Variants in GSTA2 observed in about 807,000 individuals in gnomAD.
The protein encoded by GSTA2 is glutathione S-transferase alpha 2.
In GSTA2, 27 loss-of-function variants were observed where a neutral mutation model predicts 22.4. The ratio of observed to expected loss-of-function variants is 1.21; its 90% CI spans 0.89 to 1.67. The LOEUF (loss-of-function observed/expected upper bound fraction) is 1.67, where lower values mean the gene tolerates loss of function less well. Ranked by LOEUF, GSTA2 falls within the 40% of genes most tolerant of loss-of-function variation. The probability of loss-of-function intolerance (pLI) is 0.00; values close to 1 mark genes in which losing one functional copy is unlikely to be tolerated. For missense variants in GSTA2, 302 were observed against 260.2 expected (o/e 1.16, Z -1.11); for synonymous variants, 121 against 86.8 (o/e 1.39, Z -2.19).
At chr6:52,754,091 G>A (rs1260855653) in intron 4 of GSTA2, among the ~76,000 whole-genome samples, 1 of 152,106 alleles carries the variant, frequency 6.6e-6, no homozygotes, top group African/African-American at 2.4e-5. Context: ...TCCATTGCAT[G>A]GCTAAGGCGC....
At chr6:52,759,468 C>A (rs1581776555) in intron 1 of GSTA2, among the ~76,000 whole-genome samples, 1 of 147,554 alleles carries the variant, frequency 6.8e-6, no homozygotes, top group East Asian at 2.0e-4. Context: ...ACCCCCAGCT[C>A]TGTTATTAAA....
intron 6 of GSTA2, 107 bp downstream of exon 6, chr6:52,751,470 G>A (rs1762733894): frequency 6.3e-7 from 1 of 1,594,136 alleles, no homozygotes; most frequent in Non-Finnish European, 8.6e-7. Context: ...GGCACCAAAG[G>A]CCTGGAGAAG....
chr6:52,750,318 C>G lies in GSTA2; in HGVS notation c.*259G>C, dbSNP rs1053455161. The stretch of plus-strand genomic sequence containing the variant: ...AACAAACCACATAATTTATAGTTTC[C>G]ATTTTTACTGAATTTGTAATTCCAA... On this transcript the variant is annotated 3_prime_UTR_variant, in exon 7 of 7. Transcript: ENST00000493422. 2 of 308,502 alleles carry G rather than the reference C, an allele frequency of 6.5e-6. No homozygotes were observed. Among genetic ancestry groups the G allele is most frequent in the African/African-American group, 2.2e-5 (1 of 45,790 alleles). The allele number at this position is 308,502 out of a possible 1,614,324, so 19.1% of individuals were successfully genotyped here.
chr6:52,754,764 C>A (rs1561894799), intron 4 of GSTA2, among the ~76,000 whole-genome samples, 179 bp downstream of exon 4: 1 of 152,146 alleles, frequency 6.6e-6, no homozygotes, highest in Non-Finnish European at 1.5e-5. Context: ...CGCCTGAACC[C>A]TCCCCATGTT....
chr6:52,751,724 A>G lies in GSTA2; in HGVS notation c.415-16T>C, dbSNP rs1259196067. On this transcript the variant is annotated splice_polypyrimidine_tract_variant and intron_variant, in intron 5 of 6. Coordinates refer to ENST00000493422, the MANE Select transcript of GSTA2 (RefSeq NM_000846.5). Reference sequence around the variant, plus strand: ...TCTTTAAGACCTGGAGAATGGGAGGAATCAGATCAGGAACACATGCCCACC... The same window carrying G: ...TCTTTAAGACCTGGAGAATGGGAGGGATCAGATCAGGAACACATGCCCACC... The G allele has an allele frequency of 3.7e-6, 6 of 1,613,978 alleles. No individual in the cohort carries two copies. The Admixed American group carries it at 5.0e-5, about 13-fold the overall frequency.
In GSTA2 at chr6:52,756,275, A is replaced by C. The variant is rs767811665; in HGVS notation, c.122T>G (p.Leu41Trp). 1 of 1,604,678 alleles carries C rather than the reference A, an allele frequency of 6.2e-7. No homozygotes were observed. The highest frequency in any genetic ancestry group is 8.5e-7 in the Non-Finnish European group (1 of 1,171,724). Residue 41 changes from leucine to tryptophan, a missense_variant, in exon 3 of 7, where the codon TTG becomes TGG. By Grantham distance (61) the Leu-to-Trp change is moderately conservative. Coordinates refer to ENST00000493422, the MANE Select transcript of GSTA2 (RefSeq NM_000846.5). ...EEKFIKSAED[L>W]DKLRNDGYLM... Reference sequence around the variant, plus strand: ...GATCTTACCATTTCTTAACTTGTCCAAATCTTCTGCAGATTTTATAAATTT... The same window carrying C: ...GATCTTACCATTTCTTAACTTGTCCCAATCTTCTGCAGATTTTATAAATTT...
In GSTA2 at chr6:52,757,972, C is replaced by G; in HGVS notation, c.-25G>C. ...TGGTAGCAGTCTCCTGGAGGTTTCT[C>G]TAAGCCTGAGTGAATGAATGAATGA... On this transcript the variant is annotated 5_prime_UTR_variant, in exon 2 of 7. Coordinates refer to ENST00000493422, the MANE Select transcript of GSTA2 (RefSeq NM_000846.5). 2 of 1,537,794 alleles carry G rather than the reference C, an allele frequency of 1.3e-6. No homozygotes were observed. Among genetic ancestry groups the G allele is most frequent in the Non-Finnish European group, 9.0e-7 (1 of 1,112,934 alleles).
rs1185705333 is a variant in GSTA2 at position 52,751,719 on chromosome 6, G to A, written c.415-11C>T. Reference sequence around the variant, plus strand: ...GTGGCTCTTTAAGACCTGGAGAATGGGAGGAATCAGATCAGGAACACATGC... The same window carrying A: ...GTGGCTCTTTAAGACCTGGAGAATGAGAGGAATCAGATCAGGAACACATGC... On this transcript the variant is annotated splice_polypyrimidine_tract_variant and intron_variant, in intron 5 of 6. Transcript: ENST00000493422. 3.1e-6 allele frequency: 5 copies of A among 1,613,980 alleles called. No individual in the cohort carries two copies. Among genetic ancestry groups the A allele is most frequent in the Non-Finnish European group, 4.2e-6 (5 of 1,179,964 alleles).
At chr6:52,751,224 C>T (rs1037840225) in intron 6 of GSTA2, among the ~76,000 whole-genome samples, 1 of 152,142 alleles carries the variant, frequency 6.6e-6, no homozygotes, top group African/African-American at 2.4e-5. Context: ...GGAAAGGGCT[C>T]TGCTCAGACT....
intron 6 of GSTA2, 73 bp downstream of exon 6, chr6:52,751,504 C>G: frequency 6.2e-7 from 1 of 1,609,010 alleles, no homozygotes. Context: ...CATGCTCAGT[C>G]CCAGGGCCCA....
At chr6:52,763,012 TC>T (rs1294598426) in intron 1 of GSTA2, among the ~76,000 whole-genome samples, 1 of 152,220 alleles carries the variant, frequency 6.6e-6, no homozygotes, top group Non-Finnish European at 1.5e-5. Flanking sequence ...ACTAATTTTT[TC>T]TAATTATAAT....
intron 5 of GSTA2, among the ~76,000 whole-genome samples, chr6:52,752,277 G>C (rs573917989): frequency 6.6e-6 from 1 of 152,286 alleles, no homozygotes; most frequent in African/African-American, 2.4e-5. Flanking sequence ...GTTCCTAAAT[G>C]GCACTATGTT....
intron 6 of GSTA2, among the ~76,000 whole-genome samples, chr6:52,751,137 G>A (rs768692676): frequency 1.4e-4 from 21 of 152,202 alleles, no homozygotes; most frequent in Non-Finnish European, 2.2e-4. Flanking sequence ...ATTGTCGGGG[G>A]CAGAGTGCTG....
At chr6:52,756,437 G>A (rs1316044752) in intron 2 of GSTA2, 128 bp from the exon 3 acceptor site, 7 of 733,788 alleles carry the variant, frequency 9.5e-6, no homozygotes, top group South Asian at 1.7e-5. Context: ...GGTACACAGA[G>A]GGGGCTAGTC....
chr6:52,758,873 T>TA (rs1762898779), intron 1 of GSTA2, among the ~76,000 whole-genome samples: 1 of 152,228 alleles, frequency 6.6e-6, no homozygotes, highest in Non-Finnish European at 1.5e-5. Context: ...CTCTTTGTTT[T>TA]ATCCTACAAA....
Position 52,750,579 on chromosome 6 carries a change from A to G in GSTA2, c.667T>C (p.Ter223GlnextTer1). 2 of 1,613,834 alleles carry G rather than the reference A, an allele frequency of 1.2e-6. No individual in the cohort carries two copies. Among genetic ancestry groups the G allele is most frequent in the South Asian group, 2.2e-5 (2 of 91,070 alleles). ...TCTTGACCTCTATGGCTGGTTTATT[A>G]AAACCTGAAAATCTTCCTTGATTCT... Reference protein sequence around the residue: ...LEESRKIFRF* With the variant: ...LEESRKIFRFQ The change falls in exon 7 of 7, where the codon TAA (stop) becomes CAA (glutamine). Residue 223 changes from the stop codon to glutamine (Q), a stop_lost. Coordinates refer to ENST00000493422, the MANE Select transcript of GSTA2 (RefSeq NM_000846.5).
chr6:52,759,009 T>G (rs2144698), intron 1 of GSTA2, among the ~76,000 whole-genome samples: 119,874 of 152,212 alleles, frequency 0.79, 48,292 homozygotes, highest in East Asian at 1. Context: ...AAAAACCAAA[T>G]ACTGAGTCTT....
In GSTA2 at chr6:52,750,252, A is replaced by T. The variant is rs1180824837; in HGVS notation, c.*325T>A. 2 of 212,478 alleles carry T rather than the reference A, an allele frequency of 9.4e-6. No homozygotes were observed. The highest frequency in any genetic ancestry group is 4.7e-5 in the African/African-American group (2 of 42,706). 13.2% of individuals were successfully genotyped at this position (212,478 alleles called of 1,614,324 possible). A position where few individuals can be genotyped will look rare whatever the true frequency, so the allele number is the denominator to read the frequency against. ...TTACATTGGCATTTTAATAGATTGT[A>T]TGACAAATTGTATGTTACAGGGCAA... On this transcript the variant is annotated 3_prime_UTR_variant, in exon 7 of 7. Transcript: ENST00000493422.
intron 5 of GSTA2, among the ~76,000 whole-genome samples, chr6:52,752,602 T>G (rs1027042410): frequency 6.6e-6 from 1 of 152,208 alleles, no homozygotes; most frequent in Non-Finnish European, 1.5e-5. Flanking sequence ...GAACACAAAA[T>G]TCTGTTGAAC....
Sources: allele counts gnomAD v4.1 joint callset (sites outside exome capture counted in the v4.1 genomes callset), GRCh38; gene constraint gnomAD v4.1.1; transcripts MANE v1.5; gene names NCBI Gene and HGNC (gene_info 2026-07-23, HGNC 2026-07-21).